DENND4C: variants seen among roughly 807,000 people sequenced by gnomAD.
DENND4C encodes the protein DENN domain-containing protein 4C.
A neutral mutation model predicts 203.0 loss-of-function variants in DENND4C; 108 were observed. That is an observed-to-expected ratio of 0.53 (90% CI 0.46 to 0.62). The LOEUF (loss-of-function observed/expected upper bound fraction) is 0.62, where lower values mean the gene tolerates loss of function less well. Ranked by LOEUF, DENND4C falls within the 20% of genes least tolerant of loss-of-function variation. The pLI, the probability that DENND4C is intolerant of heterozygous loss-of-function variation, is 0.00. For synonymous variants in DENND4C, 871 were observed against 792.4 expected, an observed-to-expected ratio of 1.10 and a Z score of -1.67; for missense variants, 2,481 against 2,301.2, an observed-to-expected ratio of 1.08 and a Z score of -1.60.
At chr9:19,278,574 C>G (rs564465891) in intron 2 of DENND4C, among the ~76,000 whole-genome samples, 1 of 152,110 alleles carries the variant, frequency 6.6e-6, no homozygotes, top group South Asian at 2.1e-4. Flanking sequence ...TCGGAATCCA[C>G]GAAGGAGTGT....
chr9:19,356,944 C>G, intron 26 of DENND4C, 28 bp from the exon 27 acceptor site: 2 of 1,597,908 alleles, frequency 1.3e-6, no homozygotes, highest in Non-Finnish European at 1.7e-6. Flanking sequence ...TTTTTAAAGG[C>G]TCTTTTTCCC....
intron 7 of DENND4C, 59 bp from the exon 8 acceptor site, chr9:19,299,170 C>T (rs1838049883): frequency 2.3e-6 from 3 of 1,296,722 alleles, no homozygotes; most frequent in African/African-American, 1.6e-5. Context: ...AGTTTTGAAA[C>T]TTATCTCTTG....
At position 19,358,788 on chromosome 9, in the gene DENND4C, G is replaced by C. The variant is rs1027423546; in HGVS notation, c.5160+628G>C. Among the ~76,000 whole-genome samples the C allele has an allele frequency of 6.6e-6, 1 of 151,728 alleles. No homozygotes were observed. The highest frequency in any genetic ancestry group is 1.5e-5 in the Non-Finnish European group (1 of 68,012). On this transcript the variant is annotated intron_variant, in intron 28 of 32. Coordinates refer to ENST00000434457, the MANE Select transcript of DENND4C (RefSeq NM_001330640.2). The surrounding 1 kb of genome is among the most constrained non-coding windows in gnomAD (Gnocchi z 4.8). ...TTAGAGTACAGTTTTCCATAATCCA[G>C]ATTTTGCTGATTGCAACGATAAAAG...
intron 1 of DENND4C, among the ~76,000 whole-genome samples, chr9:19,263,657 A>ATTTTTTTTT (rs111309104): frequency 0.026 from 2,605 of 99,188 alleles, 38 homozygotes; most frequent in Non-Finnish European, 0.033. Flanking sequence ...TTTTCTTCCC[A>ATTTTTTTTT]TTTTTTTTTT....
At chr9:19,350,586 G>A (rs1823867207) in intron 23 of DENND4C, 116 bp from the exon 24 acceptor site, 4 of 802,370 alleles carry the variant, frequency 5.0e-6, no homozygotes, top group South Asian at 4.8e-5. Flanking sequence ...GAAAAATGTG[G>A]GGATGATGAT....
chr9:19,245,953 A>T (rs1168509817), intron 1 of DENND4C, among the ~76,000 whole-genome samples: 1 of 58,246 alleles, frequency 1.7e-5, no homozygotes, highest in African/African-American at 6.1e-5. Context: ...ATTTCTTGGA[A>T]TCCAATTTTT....
At position 19,324,380 on chromosome 9, in the gene DENND4C, A is replaced by T; in HGVS notation, c.1826A>T (p.Asp609Val). ...TCCTCAGGATTTTTAAAAAGTCGAG[A>T]TCGTGCCTATGCAAAATTCTATACC... ...FDRQGFLKSR[D>V]RAYAKFYTLL... The change falls in exon 13 of 33, where the codon GAT (aspartate) becomes GTT (valine). Residue 609 changes from aspartate (D) to valine (V), a missense_variant. Transcript: ENST00000434457. 6.2e-7 allele frequency: 1 copy of T among 1,602,028 alleles called. No individual in the cohort carries two copies. The highest frequency in any genetic ancestry group is 8.5e-7 in the Non-Finnish European group (1 of 1,176,978).
chr9:19,292,054 C>G (rs140730330), intron 5 of DENND4C, among the ~76,000 whole-genome samples: 1 of 151,770 alleles, frequency 6.6e-6, no homozygotes, highest in Non-Finnish European at 1.5e-5. Context: ...GACGGAATGT[C>G]ACTCTTGTTG....
At chr9:19,344,989 T>C (rs2131984510) in intron 22 of DENND4C, among the ~76,000 whole-genome samples, 1 of 152,102 alleles carries the variant, frequency 6.6e-6, no homozygotes, top group East Asian at 1.9e-4. Context: ...AGGGCTCTAA[T>C]CCCATTCATC....
intron 1 of DENND4C, among the ~76,000 whole-genome samples, chr9:19,259,693 C>T (rs111340788): frequency 0.051 from 7,808 of 151,794 alleles, 355 homozygotes; most frequent in African/African-American, 0.12. Context: ...TTAGTAGAGA[C>T]GGAGTTTCTC....
At chr9:19,309,143 C>T (rs753077812) in intron 10 of DENND4C, among the ~76,000 whole-genome samples, 4 of 152,058 alleles carry the variant, frequency 2.6e-5, no homozygotes, top group Admixed American at 6.6e-5. Context: ...TGCTTGTAGG[C>T]CGGGAGTGGT....
chr9:19,350,876 A>G lies in DENND4C; in HGVS notation c.4492A>G (p.Thr1498Ala). The change falls in exon 24 of 33, where the codon ACA becomes GCA. Residue 1498 changes from threonine (T) to alanine (A), a missense_variant. This residue lies in a region of DENND4C where 2,289 missense variants were observed against 2,113.3 expected (regional missense o/e 1.08). Transcript: ENST00000434457. ...SGDVGKLHYPTGEVPFPRGMK... is the reference protein window; with the variant it reads ...SGDVGKLHYPAGEVPFPRGMK... ...AGATGTAGGAAAACTGCATTATCCA[A>G]CAGGTATGGGGAAGGATTATCCTTT... is the stretch of plus-strand genomic sequence containing the variant. 2 of 1,612,214 alleles carry G rather than the reference A, an allele frequency of 1.2e-6. No individual in the cohort carries two copies. The highest frequency in any genetic ancestry group is 1.7e-6 in the Non-Finnish European group (2 of 1,179,050).
intron 8 of DENND4C, among the ~76,000 whole-genome samples, chr9:19,299,740 C>G (rs1055051693): frequency 6.6e-6 from 1 of 152,180 alleles, no homozygotes; most frequent in African/African-American, 2.4e-5. Flanking sequence ...CACCCTGTAG[C>G]CAGTGTGTCC....
At chr9:19,255,184 C>G (rs546402732) in intron 1 of DENND4C, among the ~76,000 whole-genome samples, 9 of 152,056 alleles carry the variant, frequency 5.9e-5, no homozygotes, top group Non-Finnish European at 1.3e-4. Flanking sequence ...TGGAGGGCCA[C>G]TTGAGGCCAG....
At chr9:19,283,057 G>C (rs183030428) in intron 2 of DENND4C, among the ~76,000 whole-genome samples, 44 of 151,998 alleles carry the variant, frequency 2.9e-4, no homozygotes, top group African/African-American at 9.2e-4. Context: ...TTGCAAAGAT[G>C]AGGTCCTCCT....
intron 22 of DENND4C, 67 bp from the exon 23 acceptor site, chr9:19,345,854 A>G: frequency 7.4e-7 from 1 of 1,359,046 alleles, no homozygotes; most frequent in Non-Finnish European, 1.0e-6. Flanking sequence ...CAGGAAAACA[A>G]TAAATATTTT....
chr9:19,286,293 A>G (rs1835200021), intron 2 of DENND4C, among the ~76,000 whole-genome samples: 2 of 152,248 alleles, frequency 1.3e-5, no homozygotes, highest in African/African-American at 4.8e-5. Context: ...GTCCATAAGC[A>G]TGAGATGTCT....
At chr9:19,305,939 A>G (rs1839562342) in intron 10 of DENND4C, among the ~76,000 whole-genome samples, 1 of 152,188 alleles carries the variant, frequency 6.6e-6, no homozygotes, top group Non-Finnish European at 1.5e-5. Context: ...ATATTATACC[A>G]TTTGCTTAGT....
rs1269952354 is a variant in DENND4C, at chr9:19,372,446, T to G, written c.*273T>G. 1.3e-5 allele frequency: 4 copies of G among 305,250 alleles called. No homozygotes were observed. In the East Asian group the frequency reaches 2.3e-4, roughly 17 times the overall value. The allele number at this position is 305,250 out of a possible 1,614,324, so 18.9% of individuals were successfully genotyped here. On this transcript the variant is annotated 3_prime_UTR_variant, in exon 33 of 33. Transcript: ENST00000434457. ...AACTACTTTGGGATTCTTCAGTATT[T>G]GTAGTAGTTTGATAGAAATAATGAG...
Sources: gnomAD v4.1 joint callset for allele counts (sites outside exome capture counted in the v4.1 genomes callset) on GRCh38, gnomAD v4.1.1 for gene constraint, gnomAD v4.1.1 regional missense constraint, Gnocchi (gnomAD v3.1) non-coding constraint, MANE v1.5 for transcripts, NCBI Gene and HGNC (gene_info 2026-07-23, HGNC 2026-07-21) for gene names.